Variants in PCDHA6 observed in about 807,000 individuals in gnomAD.
PCDHA6 encodes the protein protocadherin alpha 6.
A neutral mutation model predicts 60.3 loss-of-function variants in PCDHA6; 55 were observed. That is an observed-to-expected ratio of 0.91 (90% CI 0.73 to 1.14). The LOEUF (loss-of-function observed/expected upper bound fraction) is 1.14, where lower values mean the gene tolerates loss of function less well. Ranked by LOEUF, PCDHA6 falls within the 50% of genes most tolerant of loss-of-function variation. PCDHA6 has a pLI of 0.00. For synonymous variants in PCDHA6, 652 were observed against 557.9 expected, an observed-to-expected ratio of 1.17 and a Z score of -2.38; for missense variants, 1,327 against 1,256.5, an observed-to-expected ratio of 1.06 and a Z score of -0.85.
At chr5:140,924,901 AAAAAT>A (rs10667761) in intron 1 of PCDHA6, among the ~76,000 whole-genome samples, 4,416 of 80,206 alleles carry the variant, frequency 0.055, 204 homozygotes, top group African/African-American at 0.16. Flanking sequence ...TCTCAAAAAA[AAAAAT>A]AAAATAAAAT....
At chr5:140,966,741 G>A in intron 1 of PCDHA6, 1 of 1,421,320 alleles carries the variant, frequency 7.0e-7, no homozygotes, top group Non-Finnish European at 9.1e-7. Context: ...GGCCCTGCCC[G>A]GCTGCCTCCG....
chr5:140,929,870 A>T (rs1056539262), intron 1 of PCDHA6: 1 of 153,262 alleles, frequency 6.5e-6, no homozygotes, highest in Admixed American at 6.5e-5. Flanking sequence ...AGGCTTTGTG[A>T]TAGAGATCAC....
At chr5:140,927,063 C>G in intron 1 of PCDHA6, 1 of 1,611,332 alleles carries the variant, frequency 6.2e-7, no homozygotes. Context: ...ACTTTCGCTT[C>G]CTTTCCAGCC....
Position 140,828,810 on chromosome 5 carries a change from C to G in PCDHA6, c.719C>G (p.Pro240Arg). 5 of 1,614,142 alleles carry G rather than the reference C, an allele frequency of 3.1e-6. No individual in the cohort carries two copies. The highest frequency in any genetic ancestry group is 4.2e-6 in the Non-Finnish European group (5 of 1,180,032). ...GTGCTGGATGTGAATGATAATGCTC[C>G]CACTTTCGAACAGTCTGAATACGAA... ...VTVLDVNDNAPTFEQSEYEVR... is the reference protein window; with the variant it reads ...VTVLDVNDNARTFEQSEYEVR... The change falls in exon 1 of 4, where the codon CCC becomes CGC. Residue 240 changes from proline (P) to arginine (R), a missense_variant. Pro to Arg is a moderately radical substitution (Grantham distance 103). Transcript: ENST00000529310.
chr5:140,898,407 C>T (rs556061781), intron 1 of PCDHA6, among the ~76,000 whole-genome samples: 90 of 152,094 alleles, frequency 5.9e-4, no homozygotes, highest in Middle Eastern at 3.4e-3. Flanking sequence ...TTTCTACATA[C>T]GGCTAGCCAG....
intron 1 of PCDHA6, among the ~76,000 whole-genome samples, chr5:140,921,353 A>T (rs943655623): frequency 6.6e-6 from 1 of 152,160 alleles, no homozygotes; most frequent in Non-Finnish European, 1.5e-5. Context: ...ATATTTGCCT[A>T]TATTCAAGTT....
intron 1 of PCDHA6, chr5:140,868,996 G>T: frequency 6.6e-7 from 1 of 1,516,608 alleles, no homozygotes; most frequent in South Asian, 1.4e-5. Flanking sequence ...CACCGTTTAA[G>T]GATCCTTTGA....
At chr5:140,966,622 G>C in intron 1 of PCDHA6, 1 of 854,486 alleles carries the variant, frequency 1.2e-6, no homozygotes, top group Non-Finnish European at 1.6e-6. Flanking sequence ...TACGGAGGGA[G>C]CGGCCCCAGG....
rs533995955 is a variant in PCDHA6, at chr5:140,975,833, A to T, written c.2395-3116A>T. On this transcript the variant is annotated intron_variant, in intron 1 of 3. Coordinates refer to ENST00000529310, the MANE Select transcript of PCDHA6 (RefSeq NM_018909.4). ...TTAATAGGAACTGAAGTGTATTCTT[A>T]TTCTTCAGTAATACTACATCACCCA... 2.6e-5 allele frequency among the ~76,000 whole-genome samples: 4 copies of T among 152,336 alleles called. No individual in the cohort carries two copies. In the South Asian group the frequency reaches 8.3e-4, roughly 32 times the overall value.
In PCDHA6 at chr5:140,829,866, C is replaced by A. The variant is rs180987045; in HGVS notation, c.1775C>A (p.Ala592Glu). The change falls in exon 1 of 4, where the codon GCG (alanine) becomes GAG (glutamate). Residue 592 changes from alanine (A) to glutamate (E), a missense_variant. Ala to Glu is a moderately radical substitution (Grantham distance 107, BLOSUM62 -1). Transcript: ENST00000529310. ...TCACTGGGTGCAGGCCAAGTGGTGG[C>A]GAAGGTGCGCGCAGTTGACGCCGAC... ...PRSLGAGQVVAKVRAVDADSG... is the reference protein window; with the variant it reads ...PRSLGAGQVVEKVRAVDADSG... 5 of 1,613,774 alleles carry A rather than the reference C, an allele frequency of 3.1e-6. 1 individual carries two copies. The Admixed American group carries it at 6.7e-5, about 22-fold the overall frequency.
At chr5:140,891,358 G>A (rs1002422244) in intron 1 of PCDHA6, among the ~76,000 whole-genome samples, 1 of 152,044 alleles carries the variant, frequency 6.6e-6, no homozygotes. Flanking sequence ...TCCATCACCT[G>A]AGCAGTATAC....
chr5:140,829,278 A>G lies in PCDHA6; in HGVS notation c.1187A>G (p.Lys396Arg). ...NCSLTPHVPF[K>R]LVSTFKNYYS... ...TCGCTGACGCCTCACGTCCCTTTCA[A>G]GCTGGTGTCCACCTTCAAGAATTAC... The change falls in exon 1 of 4, where the codon AAG becomes AGG. Residue 396 changes from lysine to arginine, a missense_variant. Coordinates refer to ENST00000529310, the MANE Select transcript of PCDHA6 (RefSeq NM_018909.4). 6.2e-7 allele frequency: 1 copy of G among 1,614,236 alleles called. No homozygotes were observed. The highest frequency in any genetic ancestry group is 8.5e-7 in the Non-Finnish European group (1 of 1,180,044).
chr5:140,875,531 T>G, intron 1 of PCDHA6: 1 of 1,614,100 alleles, frequency 6.2e-7, no homozygotes. Flanking sequence ...TCGCTTCTGC[T>G]CCTTGCAGCC....
At chr5:140,998,522 A>G (rs2097818629) in intron 3 of PCDHA6, among the ~76,000 whole-genome samples, 1 of 151,980 alleles carries the variant, frequency 6.6e-6, no homozygotes, top group South Asian at 2.1e-4. Context: ...TATTATTCAT[A>G]TTTATATCCC....
At chr5:140,841,286 A>G in intron 1 of PCDHA6, 2 of 1,545,812 alleles carry the variant, frequency 1.3e-6, no homozygotes, top group Non-Finnish European at 1.7e-6. Context: ...TCTTTATATT[A>G]AGATAATATT....
intron 1 of PCDHA6, among the ~76,000 whole-genome samples, chr5:140,937,638 CATGGTGG>C (rs1563162054): frequency 2.0e-5 from 3 of 150,048 alleles, no homozygotes; most frequent in South Asian, 4.2e-4. Flanking sequence ...AAAGGCAGGG[CATGGTGG>C]CTCACGCCTG....
At chr5:140,935,473 AT>A (rs2090393235) in intron 1 of PCDHA6, among the ~76,000 whole-genome samples, 1 of 152,212 alleles carries the variant, frequency 6.6e-6, no homozygotes, top group African/African-American at 2.4e-5. Context: ...AGTTTTTGTC[AT>A]TCTTTTCATT....
chr5:140,850,112 C>T lies in PCDHA6; in HGVS notation c.2394+19627C>T, dbSNP rs2150468097. On this transcript the variant is annotated intron_variant, in intron 1 of 3. Coordinates refer to ENST00000529310, the MANE Select transcript of PCDHA6 (RefSeq NM_018909.4). ...TACAGTTCCAGGTGAGCGCGCGCGA[C>T]GCGGGCGTGCCGCCTCTGGGCAGCA... 91 of 1,595,906 alleles carry T rather than the reference C, an allele frequency of 5.7e-5. 9 individuals are homozygous for T. The highest frequency in any genetic ancestry group is 5.9e-5 in the Non-Finnish European group (69 of 1,167,846).
At chr5:140,929,555 C>A in intron 1 of PCDHA6, 1 of 485,752 alleles carries the variant, frequency 2.1e-6, no homozygotes, top group Non-Finnish European at 3.5e-6. Context: ...AAATTAAAAC[C>A]TATTTAAGAA....
Sources: allele counts gnomAD v4.1 joint callset (sites outside exome capture counted in the v4.1 genomes callset), GRCh38; gene constraint gnomAD v4.1.1; transcripts MANE v1.5; gene names NCBI Gene and HGNC (gene_info 2026-07-23, HGNC 2026-07-21).